NAALADL2: variants seen among roughly 807,000 people sequenced by gnomAD.
NAALADL2 encodes the protein N-acetylated alpha-linked acidic dipeptidase like 2.
Under a neutral mutation model 87.2 loss-of-function variants are expected in NAALADL2, and 76 were observed. The observed-to-expected ratio is 0.87, with a 90% CI of 0.72 to 1.05. NAALADL2 has a LOEUF of 1.05. Among genes scored for constraint, NAALADL2 ranks in the 50% least tolerant of loss-of-function variants. The pLI is 0.00. For synonymous variants in NAALADL2, 354 were observed against 331.0 expected (o/e 1.07, Z -0.75); for missense variants, 1,089 against 945.8 (o/e 1.15, Z -1.99).
At chr3:175,424,240 T>A (rs183392254) in intron 5 of NAALADL2, among the ~76,000 whole-genome samples, 1 of 152,370 alleles carries the variant, frequency 6.6e-6, no homozygotes, top group Admixed American at 6.5e-5. Flanking sequence ...TTTCTTTTGC[T>A]GTGCAGAAGC....
chr3:174,988,696 T>A (rs534976744), intron 1 of NAALADL2, among the ~76,000 whole-genome samples: 1 of 152,304 alleles, frequency 6.6e-6, no homozygotes, highest in East Asian at 1.9e-4. Flanking sequence ...AACTCTGATC[T>A]CCACATAGTG....
chr3:174,479,294 A>G, intron 1 of NAALADL2, among the ~76,000 whole-genome samples: 1 of 152,140 alleles, frequency 6.6e-6, no homozygotes, highest in Non-Finnish European at 1.5e-5. Flanking sequence ...TTTTGACAAT[A>G]ATATTTACTG....
intron 3 of NAALADL2, among the ~76,000 whole-genome samples, chr3:174,751,529 G>A (rs1474757279): frequency 1.3e-5 from 2 of 151,874 alleles, no homozygotes; most frequent in African/African-American, 2.4e-5. Flanking sequence ...CAGGCGTGGT[G>A]GCACACGCCT....
chr3:174,901,743 T>C (rs1732324314), intron 1 of NAALADL2, among the ~76,000 whole-genome samples: 1 of 152,118 alleles, frequency 6.6e-6, no homozygotes, highest in Admixed American at 6.5e-5. Context: ...GAGTGGGTGA[T>C]TTGGTGTACT....
At chr3:175,139,115 T>A (rs75330156) in intron 2 of NAALADL2, among the ~76,000 whole-genome samples, 2,455 of 151,676 alleles carry the variant, frequency 0.016, 74 homozygotes, top group African/African-American at 0.057. Context: ...AGGAATATTC[T>A]GTTTGAAAAA....
At chr3:174,985,350 T>G (rs1040950725) in intron 1 of NAALADL2, among the ~76,000 whole-genome samples, 1 of 152,198 alleles carries the variant, frequency 6.6e-6, no homozygotes, top group Non-Finnish European at 1.5e-5. Context: ...ATACTTTAAC[T>G]ACCTCTGGCC....
At chr3:174,910,186 G>C (rs1007595763) in intron 1 of NAALADL2, among the ~76,000 whole-genome samples, 1 of 151,792 alleles carries the variant, frequency 6.6e-6, no homozygotes, top group South Asian at 2.1e-4. Flanking sequence ...ATCACATAGA[G>C]ATCGTCAGAA....
At chr3:174,719,262 A>T (rs1731487224) in intron 2 of NAALADL2, among the ~76,000 whole-genome samples, 1 of 152,228 alleles carries the variant, frequency 6.6e-6, no homozygotes, top group African/African-American at 2.4e-5. Context: ...ACATGCATCA[A>T]CTTTCTTTTG....
intron 2 of NAALADL2, among the ~76,000 whole-genome samples, chr3:175,132,001 C>T (rs1269929811): frequency 8.7e-4 from 55 of 63,528 alleles, no homozygotes; most frequent in East Asian, 1.6e-3. Flanking sequence ...GGGGGACTGA[C>T]CCCCCCACCT....
chr3:175,065,099 A>G (rs1484705907), intron 1 of NAALADL2, among the ~76,000 whole-genome samples: 1 of 152,184 alleles, frequency 6.6e-6, no homozygotes, highest in Non-Finnish European at 1.5e-5. Context: ...CTATGAAGGC[A>G]GCTAGGAGAC....
At chr3:174,692,977 G>C (rs1363881445) in intron 2 of NAALADL2, among the ~76,000 whole-genome samples, 2 of 77,554 alleles carry the variant, frequency 2.6e-5, no homozygotes, top group Non-Finnish European at 7.0e-5. Context: ...TCAACATACA[G>C]AATATAAATA....
chr3:175,335,999 G>A (rs73047266), intron 5 of NAALADL2, among the ~76,000 whole-genome samples: 22,454 of 152,064 alleles, frequency 0.15, 2,232 homozygotes, highest in East Asian at 0.49. Context: ...TGAGTAATGA[G>A]CAGTGACACC....
intron 10 of NAALADL2, among the ~76,000 whole-genome samples, chr3:175,593,946 A>G (rs2149613059): frequency 6.6e-6 from 1 of 151,726 alleles, no homozygotes; most frequent in Non-Finnish European, 1.5e-5. Flanking sequence ...TGTTATTTTT[A>G]GGAAATAGGT....
chr3:175,655,518 G>T, intron 11 of NAALADL2: 1 of 341,632 alleles, frequency 2.9e-6, no homozygotes, highest in Non-Finnish European at 5.8e-6. Context: ...TGGAATGTGT[G>T]GTATGTACTC....
intron 5 of NAALADL2, among the ~76,000 whole-genome samples, chr3:175,389,802 A>C (rs1047588913): frequency 1.3e-5 from 2 of 152,186 alleles, no homozygotes; most frequent in African/African-American, 4.8e-5. Flanking sequence ...TGTCAGGATC[A>C]CACTCTGTGA....
intron 3 of NAALADL2, among the ~76,000 whole-genome samples, chr3:174,802,590 G>A (rs941552994): frequency 1.3e-5 from 2 of 152,012 alleles, no homozygotes; most frequent in East Asian, 1.9e-4. Context: ...CCATCAATTC[G>A]TCATTGACGT....
chr3:174,492,745 C>T (rs1424384395), intron 1 of NAALADL2, among the ~76,000 whole-genome samples: 1 of 152,164 alleles, frequency 6.6e-6, no homozygotes, highest in African/African-American at 2.4e-5. Context: ...TCCAACAGTG[C>T]TCATTACTAA....
chr3:175,133,180 C>T (rs1490297241), intron 2 of NAALADL2, among the ~76,000 whole-genome samples: 13 of 150,804 alleles, frequency 8.6e-5, no homozygotes, highest in Non-Finnish European at 1.6e-4. Context: ...CGGGAAGAGG[C>T]GCTCCTCACT....
At chr3:174,443,218 T>C (rs1462546129) in intron 1 of NAALADL2, among the ~76,000 whole-genome samples, 1 of 152,140 alleles carries the variant, frequency 6.6e-6, no homozygotes, top group Admixed American at 6.5e-5. Flanking sequence ...AAAGCAAGAA[T>C]AGAAGCAGGG....
Sources: gnomAD v4.1 joint callset for allele counts (sites outside exome capture counted in the v4.1 genomes callset) on GRCh38, gnomAD v4.1.1 for gene constraint, MANE v1.5 for transcripts, NCBI Gene and HGNC (gene_info 2026-07-23, HGNC 2026-07-21) for gene names.